SLC20A2: variants seen among roughly 807,000 people sequenced by gnomAD.
The protein encoded by SLC20A2 is solute carrier family 20 member 2, also known as sodium-dependent phosphate transporter 2.
SLC20A2 carries 30 observed loss-of-function variants against 61.0 expected under a neutral mutation model. That is an observed-to-expected ratio of 0.49 (90% confidence interval 0.37 to 0.67). The LOEUF (loss-of-function observed/expected upper bound fraction) is 0.67, where lower values mean the gene tolerates loss of function less well. Ranked by LOEUF, SLC20A2 falls within the 30% of genes least tolerant of loss-of-function variation. The probability of loss-of-function intolerance (pLI) is 0.00; values close to 1 mark genes in which losing one functional copy is unlikely to be tolerated. For missense variants in SLC20A2, 626 were observed against 866.4 expected, an observed-to-expected ratio of 0.72 and a Z score of 3.48; for synonymous variants, 351 against 353.3, an observed-to-expected ratio of 0.99 and a Z score of 0.07.
At chr8:42,524,763 G>A (rs1811812982) in intron 1 of SLC20A2, among the ~76,000 whole-genome samples, 1 of 150,608 alleles carries the variant, frequency 6.6e-6, no homozygotes, top group Non-Finnish European at 1.5e-5. Context: ...TCCAGCTTAA[G>A]CAACAAGAGC....
In SLC20A2 at chr8:42,439,581, G is replaced by T. The variant is rs1435766732; in HGVS notation, c.803C>A (p.Ser268Tyr). 3 of 1,614,044 alleles carry T rather than the reference G, an allele frequency of 1.9e-6. No homozygotes were observed. The highest frequency in any genetic ancestry group is 2.5e-6 in the Non-Finnish European group (3 of 1,179,992). Residue 268 changes from serine to tyrosine, a missense_variant, in exon 7 of 11, where the codon TCC becomes TAC. Physicochemically the swap from Ser to Tyr is moderately radical, Grantham distance 144. Coordinates refer to ENST00000520262, the MANE Select transcript of SLC20A2 (RefSeq NM_001257180.2). ...ACCTGGTAGCTCTTTAAATACTGGG[G>T]ACTCTGCTTCCTGAACCTTACTGAG... ...ESLSKVQEAE[S>Y]PVFKELPGAK... is the part of the protein sequence containing the mutation.
At chr8:42,438,074 A>AAAC (rs1804469661) in intron 7 of SLC20A2, among the ~76,000 whole-genome samples, 2 of 146,048 alleles carry the variant, frequency 1.4e-5, no homozygotes, top group Non-Finnish European at 3.0e-5. Flanking sequence ...AAAAAAAAAA[A>AAAC]AAAAAAAAAA....
intron 1 of SLC20A2, among the ~76,000 whole-genome samples, chr8:42,489,690 G>A (rs1028895540): frequency 1.1e-4 from 17 of 152,112 alleles, no homozygotes; most frequent in Admixed American, 6.6e-5. Flanking sequence ...TTATATTTTA[G>A]TCTAACTCGC....
At position 42,429,117 on chromosome 8, in the gene SLC20A2, C is replaced by T. The variant is rs572436921; in HGVS notation, c.1710-275G>A. The stretch of plus-strand genomic sequence containing the variant: ...AACTGGGCCAGACATTCCTGCTGTG[C>T]AATAAGATAGTAAATCAGTCATTTC... On this transcript the variant is annotated intron_variant, in intron 9 of 10. Coordinates refer to ENST00000520262, the MANE Select transcript of SLC20A2 (RefSeq NM_001257180.2). Among the ~76,000 whole-genome samples the T allele has an allele frequency of 3.0e-4, 45 of 152,290 alleles. 1 individual carries two copies. The South Asian group carries it at 9.3e-3, about 32-fold the overall frequency.
chr8:42,491,215 C>T (rs1809485425), intron 1 of SLC20A2, among the ~76,000 whole-genome samples: 1 of 152,068 alleles, frequency 6.6e-6, no homozygotes, highest in African/African-American at 2.4e-5. Flanking sequence ...GCCTGGCCAA[C>T]ATGGCAATAC....
intron 3 of SLC20A2, among the ~76,000 whole-genome samples, chr8:42,464,091 TC>T (rs1806931700): frequency 1.9e-5 from 2 of 105,356 alleles, no homozygotes; most frequent in Admixed American, 1.2e-4. Context: ...GGCTGGATGA[TC>T]TTTTTTTTTT....
intron 1 of SLC20A2, among the ~76,000 whole-genome samples, chr8:42,533,865 G>A (rs1358690238): frequency 6.6e-6 from 1 of 150,656 alleles, no homozygotes; most frequent in African/African-American, 2.4e-5. Flanking sequence ...TCACTATGTT[G>A]GTCAGGCTGG....
At position 42,533,845 on chromosome 8, in the gene SLC20A2, G is replaced by A. The variant is rs1812532031; in HGVS notation, c.-265+7976C>T. On this transcript the variant is annotated intron_variant, in intron 1 of 10. Transcript: ENST00000342228. ...GGCTAATTTTTGTATTTCTAGTGGAGACGGGGGTTTCACTATGTTGGTCAG... is the reference window on the plus strand; with the variant it reads ...GGCTAATTTTTGTATTTCTAGTGGAAACGGGGGTTTCACTATGTTGGTCAG... Among the ~76,000 whole-genome samples, 3 of 150,270 alleles carry A rather than the reference G, an allele frequency of 2.0e-5. No individual in the cohort carries two copies. In the South Asian group the frequency reaches 6.4e-4, roughly 32 times the overall value.
At chr8:42,462,060 AG>A (rs1806748765) in intron 4 of SLC20A2, among the ~76,000 whole-genome samples, 2 of 152,034 alleles carry the variant, frequency 1.3e-5, no homozygotes, top group African/African-American at 2.4e-5. Flanking sequence ...CTCAAAAGAG[AG>A]GGGACCAGGC....
chr8:42,517,576 C>T (rs1416316444), intron 1 of SLC20A2, among the ~76,000 whole-genome samples: 1 of 151,946 alleles, frequency 6.6e-6, no homozygotes, highest in Non-Finnish European at 1.5e-5. Flanking sequence ...CACAATTTTG[C>T]CATCAATACC....
intron 2 of SLC20A2, among the ~76,000 whole-genome samples, chr8:42,467,122 T>C (rs1807234193): frequency 6.6e-6 from 1 of 152,176 alleles, no homozygotes; most frequent in South Asian, 2.1e-4. Context: ...ACCCAGCCCA[T>C]ACTGCTTGTT....
intron 1 of SLC20A2, among the ~76,000 whole-genome samples, chr8:42,477,149 G>A (rs867689180): frequency 1.2e-4 from 18 of 152,144 alleles, no homozygotes; most frequent in Non-Finnish European, 2.5e-4. Context: ...TTTGAATTGC[G>A]GCATGTATAA....
rs575143642 is a variant in SLC20A2 at position 42,416,877 on chromosome 8, G to A, written c.*926C>T. 6.6e-4 allele frequency: 101 copies of A among 152,810 alleles called. No homozygotes were observed. The highest frequency in any genetic ancestry group is 8.4e-4 in the Non-Finnish European group (57 of 68,064). The allele number at this position is 152,810 out of a possible 1,614,324, so 9.5% of individuals were successfully genotyped here. On this transcript the variant is annotated 3_prime_UTR_variant, in exon 11 of 11. Coordinates refer to ENST00000520262, the MANE Select transcript of SLC20A2 (RefSeq NM_001257180.2). The stretch of plus-strand genomic sequence containing the variant: ...CTTGACATGTAGTGCTCAGCCACAC[G>A]CCCTCACCAACACCTGTGCATTCTC...
chr8:42,540,778 G>C (rs2131471183), intron 1 of SLC20A2: 1 of 152,306 alleles, frequency 6.6e-6, no homozygotes, highest in East Asian at 1.9e-4. Context: ...TATCTGCAAG[G>C]TGGCACCAGC....
At chr8:42,470,471 G>C (rs1018917347) in intron 2 of SLC20A2, among the ~76,000 whole-genome samples, 2 of 151,934 alleles carry the variant, frequency 1.3e-5, no homozygotes, top group African/African-American at 2.4e-5. Flanking sequence ...TGCCCATCTC[G>C]GGGGCCTCCC....
chr8:42,518,104 C>A (rs1374478509), intron 1 of SLC20A2, among the ~76,000 whole-genome samples: 2 of 151,864 alleles, frequency 1.3e-5, no homozygotes, highest in Non-Finnish European at 2.9e-5. Flanking sequence ...CCACGCCCAG[C>A]TAATTTTTGG....
At chr8:42,451,495 TAGGAGAAGGAAGAGATGAGGAGG>T (rs1358319276) in intron 5 of SLC20A2, among the ~76,000 whole-genome samples, 25 of 57,514 alleles carry the variant, frequency 4.3e-4, no homozygotes, top group African/African-American at 1.8e-3. Context: ...AGAGATGGAG[TAGGAGAAGGAAGAGATGAGGAGG>T]AGGAGAAGGA....
intron 5 of SLC20A2, among the ~76,000 whole-genome samples, chr8:42,453,057 A>T (rs1805870535): frequency 6.6e-6 from 1 of 152,178 alleles, no homozygotes; most frequent in Non-Finnish European, 1.5e-5. Flanking sequence ...CGGAATCTGC[A>T]TCTTGACAAG....
chr8:42,492,325 C>T (rs1809581040), intron 1 of SLC20A2, among the ~76,000 whole-genome samples: 1 of 152,156 alleles, frequency 6.6e-6, no homozygotes, highest in African/African-American at 2.4e-5. Context: ...CATTGCACTC[C>T]AGCCTGGGCA....
Sources: allele counts gnomAD v4.1 joint callset (sites outside exome capture counted in the v4.1 genomes callset), GRCh38; gene constraint gnomAD v4.1.1; transcripts MANE v1.5; gene names NCBI Gene and HGNC (gene_info 2026-07-23, HGNC 2026-07-21).